The following DENND2A variants were observed in gnomAD, a reference collection of about 807,000 sequenced individuals.
DENND2A encodes DENN domain containing 2A, also known as DENN domain-containing protein 2A.
Under a neutral mutation model 105.3 loss-of-function variants are expected in DENND2A, and 53 were observed. The ratio of observed to expected loss-of-function variants is 0.50; its 90% CI spans 0.40 to 0.63. The LOEUF is 0.63. DENND2A is among the 30% of genes least tolerant of loss of function. The pLI is 0.00. For missense variants in DENND2A, 1,138 were observed against 1,279.6 expected, an observed-to-expected ratio of 0.89 and a Z score of 1.69; for synonymous variants, 522 against 508.4, an observed-to-expected ratio of 1.03 and a Z score of -0.36.
chr7:140,603,947 A>G (rs553285495), intron 2 of DENND2A, among the ~76,000 whole-genome samples: 2 of 152,382 alleles, frequency 1.3e-5, no homozygotes, highest in African/African-American at 4.8e-5. Flanking sequence ...ATTTTAGATT[A>G]GATAATGCCA....
intron 18 of DENND2A, among the ~76,000 whole-genome samples, chr7:140,521,446 T>A (rs969238081): frequency 1.3e-5 from 2 of 152,040 alleles, no homozygotes; most frequent in Non-Finnish European, 2.9e-5. Flanking sequence ...TCTAATTTTT[T>A]AAAACATTTT....
intron 15 of DENND2A, among the ~76,000 whole-genome samples, chr7:140,526,238 C>T (rs6952208): frequency 6.6e-6 from 1 of 152,130 alleles, no homozygotes; most frequent in African/African-American, 2.4e-5. Flanking sequence ...AACCCACCTG[C>T]AGACTCGGTT....
At chr7:140,619,986 A>G (rs981507811) in intron 1 of DENND2A, among the ~76,000 whole-genome samples, 6 of 151,800 alleles carry the variant, frequency 4.0e-5, no homozygotes, top group Non-Finnish European at 5.9e-5. Context: ...TGAGGTCAGG[A>G]GTTCAAAACC....
At chr7:140,567,304 AAG>A (rs60964847) in intron 8 of DENND2A, 31 bp from the exon 9 acceptor site, 99,510 of 651,536 alleles carry the variant, frequency 0.15, 699 homozygotes, top group East Asian at 0.18. Flanking sequence ...GAAAGAGAGA[AAG>A]AGAGAGAGAG....
chr7:140,626,329 G>T (rs777681287), intron 1 of DENND2A, among the ~76,000 whole-genome samples: 2 of 152,196 alleles, frequency 1.3e-5, no homozygotes, highest in Non-Finnish European at 2.9e-5. Context: ...CCCTCAGGCT[G>T]CCATTTTGTG....
At chr7:140,591,474 C>T (rs2130659482) in intron 3 of DENND2A, among the ~76,000 whole-genome samples, 1 of 152,236 alleles carries the variant, frequency 6.6e-6, no homozygotes. Flanking sequence ...ACATGAGGTA[C>T]AGTCCATACA....
In DENND2A at chr7:140,602,127, GA is replaced by G. The variant is rs779780810; in HGVS notation, c.270del (p.Gln91ArgfsTer9). On this transcript the variant is annotated frameshift_variant, in exon 3 of 20. Transcript: ENST00000496613. LOFTEE classifies it high-confidence loss of function. ...VERRSSDGVR[T>X]QVTEAKNGMR... ...ATTCCATTCTTAGCCTCTGTGACCT[GA>G]GTTCTCACCCCATCACTACTCCTCC... 6.2e-7 allele frequency: 1 copy of G among 1,614,050 alleles called. No individual in the cohort carries two copies. Among genetic ancestry groups the G allele is most frequent in the Non-Finnish European group, 8.5e-7 (1 of 1,179,990 alleles).
chr7:140,574,418 C>T (rs1345762615), intron 5 of DENND2A, among the ~76,000 whole-genome samples: 1 of 152,004 alleles, frequency 6.6e-6, no homozygotes, highest in Non-Finnish European at 1.5e-5. Flanking sequence ...GAGGTTTCAC[C>T]GTGTTGCCCA....
chr7:140,634,294 G>A (rs569955677), intron 1 of DENND2A, among the ~76,000 whole-genome samples: 34 of 152,088 alleles, frequency 2.2e-4, no homozygotes, highest in Non-Finnish European at 4.0e-4. Flanking sequence ...CACCGCGCCC[G>A]GCCTAAAATA....
intron 1 of DENND2A, among the ~76,000 whole-genome samples, chr7:140,620,137 A>C (rs1238727615): frequency 6.6e-6 from 1 of 152,006 alleles, no homozygotes; most frequent in African/African-American, 2.4e-5. Context: ...CGGAGGTTGC[A>C]TGGAGCCAAG....
At chr7:140,557,518 TATATATATATATA>T (rs1797413300) in intron 11 of DENND2A, among the ~76,000 whole-genome samples, 1 of 24,998 alleles carries the variant, frequency 4.0e-5, no homozygotes, top group Non-Finnish European at 1.1e-4. Context: ...AGTATATATA[TATATATATATATA>T]TTTTTTTTTT....
chr7:140,528,608 A>G (rs1047053217), intron 14 of DENND2A, among the ~76,000 whole-genome samples: 15 of 151,808 alleles, frequency 9.9e-5, no homozygotes, highest in Non-Finnish European at 1.9e-4. Context: ...CGTCTCCACT[A>G]AAAATACAAA....
chr7:140,570,442 T>C (rs1331413474), intron 6 of DENND2A, among the ~76,000 whole-genome samples: 4 of 152,124 alleles, frequency 2.6e-5, no homozygotes, highest in African/African-American at 4.8e-5. Context: ...AAAAAAAAGT[T>C]CCCAGGCAGG....
rs1405472937 is a variant in DENND2A at position 140,576,146 on chromosome 7, TG to T, written c.1246-2139del. Among the ~76,000 whole-genome samples the T allele has an allele frequency of 2.0e-5, 3 of 152,172 alleles. No individual in the cohort carries two copies. The East Asian group carries it at 5.8e-4, about 29-fold the overall frequency. On this transcript the variant is annotated intron_variant, in intron 5 of 19. Transcript: ENST00000496613. Reference sequence around the variant, plus strand: ...CTTTGTTTATCTTTTAGGATTCTAATGTTTTTACTATTTTCAATGAGCTCTA... The same window carrying T: ...CTTTGTTTATCTTTTAGGATTCTAATTTTTTACTATTTTCAATGAGCTCTA...
chr7:140,585,657 G>A lies in DENND2A; in HGVS notation c.1177C>T (p.Leu393=), dbSNP rs61737090. 4.5e-3 allele frequency: 7,298 copies of A among 1,614,164 alleles called. 280 individuals are homozygous for A. In the African/African-American group the frequency reaches 0.083, roughly 18 times the overall value. Residue 393 remains leucine, a synonymous_variant, in exon 5 of 20, where the codon CTG becomes TTG. Coordinates refer to ENST00000496613, the MANE Select transcript of DENND2A (RefSeq NM_015689.5). ...AAATTCAAGACACACTTCTTTCCCAGGCAGCGACCATGTAACTCGATGTCC... is the reference window on the plus strand; with the variant it reads ...AAATTCAAGACACACTTCTTTCCCAAGCAGCGACCATGTAACTCGATGTCC... ...YEDIELHGRC[L]GKKCVLNFPA...
In DENND2A at chr7:140,527,560, G is replaced by T; in HGVS notation, c.2328-65C>A. ...CGAGGGCCCGAGGAAGCCTCCAGGG[G>T]AGAAGGCTCCTCCCAGAGACAGGAT... is the stretch of plus-strand genomic sequence containing the variant. On this transcript the variant is annotated intron_variant, in intron 14 of 19. Coordinates refer to ENST00000496613, the MANE Select transcript of DENND2A (RefSeq NM_015689.5). The surrounding 1 kb of genome is among the most constrained non-coding windows in gnomAD (Gnocchi z 4.9). 2.0e-6 allele frequency: 3 copies of T among 1,477,418 alleles called. No individual in the cohort carries two copies. In the South Asian group the frequency reaches 4.0e-5, roughly 20 times the overall value. 91.5% of individuals were successfully genotyped at this position (1,477,418 alleles called of 1,614,324 possible). A position where few individuals can be genotyped will look rare whatever the true frequency, so the allele number is the denominator to read the frequency against.
intron 4 of DENND2A, among the ~76,000 whole-genome samples, chr7:140,586,180 C>T (rs1798771081): frequency 1.3e-5 from 2 of 151,588 alleles, no homozygotes; most frequent in Admixed American, 6.6e-5. Context: ...ATTGTGGGGA[C>T]GCTGGGAAGC....
At chr7:140,553,876 G>A (rs1015668360) in intron 12 of DENND2A, among the ~76,000 whole-genome samples, 1 of 152,118 alleles carries the variant, frequency 6.6e-6, no homozygotes, top group Non-Finnish European at 1.5e-5. Flanking sequence ...ACAAAATGGA[G>A]TCTCCTATGT....
chr7:140,580,455 G>C (rs1798496795), intron 5 of DENND2A, among the ~76,000 whole-genome samples: 1 of 152,036 alleles, frequency 6.6e-6, no homozygotes. Context: ...GAGTAGTTAG[G>C]ACTACAGGCA....
Sources: allele counts gnomAD v4.1 joint callset (sites outside exome capture counted in the v4.1 genomes callset), GRCh38; gene constraint gnomAD v4.1.1; non-coding constraint Gnocchi (gnomAD v3.1); transcripts MANE v1.5; gene names NCBI Gene and HGNC (gene_info 2026-07-23, HGNC 2026-07-21).